BAZ1B: variants seen among roughly 807,000 people sequenced by gnomAD.
The protein encoded by BAZ1B is bromodomain adjacent to zinc finger domain 1B.
In BAZ1B, 22 loss-of-function variants were observed where a neutral mutation model predicts 153.8. That is an observed-to-expected ratio of 0.14 (90% CI 0.10 to 0.20). BAZ1B has a LOEUF of 0.20. Ranked by LOEUF, BAZ1B falls within the 10% of genes least tolerant of loss-of-function variation. The pLI is 1.00. For synonymous variants in BAZ1B, 676 were observed against 633.4 expected, an observed-to-expected ratio of 1.07 and a Z score of -1.01; for missense variants, 1,325 against 1,799.3, an observed-to-expected ratio of 0.74 and a Z score of 4.77.
At chr7:73,520,839 A>C (rs978928783) in intron 1 of BAZ1B, among the ~76,000 whole-genome samples, 2 of 152,242 alleles carry the variant, frequency 1.3e-5, no homozygotes, top group Admixed American at 6.5e-5. Context: ...GAGAAAACTC[A>C]TAACACATTA....
chr7:73,475,045 G>A (rs1554572562), intron 7 of BAZ1B, among the ~76,000 whole-genome samples: 1 of 152,134 alleles, frequency 6.6e-6, no homozygotes, highest in Non-Finnish European at 1.5e-5. Context: ...ACACCCACTA[G>A]TATGACTATC....
intron 6 of BAZ1B, among the ~76,000 whole-genome samples, chr7:73,479,900 A>G (rs1005945816): frequency 1.3e-5 from 2 of 152,184 alleles, no homozygotes; most frequent in South Asian, 2.1e-4. Context: ...CTGGGTGTGG[A>G]GGCTCACACC....
intron 1 of BAZ1B, among the ~76,000 whole-genome samples, chr7:73,517,115 G>A (rs181037320): frequency 1.3e-5 from 2 of 151,964 alleles, no homozygotes; most frequent in East Asian, 3.9e-4. Context: ...CCCAGGAGGC[G>A]GAGGTTGTAG....
chr7:73,470,231 G>T (rs781882010), intron 8 of BAZ1B, 114 bp downstream of exon 8: 54 of 1,205,942 alleles, frequency 4.5e-5, no homozygotes, highest in Non-Finnish European at 6.0e-5. Context: ...TTTCCAAAAA[G>T]AATTGGAAAA....
chr7:73,521,260 C>T (rs1367406926), intron 1 of BAZ1B, among the ~76,000 whole-genome samples: 1 of 152,024 alleles, frequency 6.6e-6, no homozygotes, highest in Non-Finnish European at 1.5e-5. Flanking sequence ...GTTTTCTGCC[C>T]CAGGGTCCTG....
intron 2 of BAZ1B, among the ~76,000 whole-genome samples, chr7:73,510,068 A>G (rs1790514908): frequency 6.6e-6 from 1 of 151,900 alleles, no homozygotes; most frequent in Admixed American, 6.6e-5. Flanking sequence ...TAGAGGTTAC[A>G]GTGGGCCGAA....
intron 4 of BAZ1B, among the ~76,000 whole-genome samples, chr7:73,494,428 G>A (rs1554576140): frequency 6.6e-6 from 1 of 151,970 alleles, no homozygotes; most frequent in Non-Finnish European, 1.5e-5. Flanking sequence ...TGAAGATAAG[G>A]AAATTGGAAG....
At chr7:73,487,970 A>G (rs1409546189) in intron 6 of BAZ1B, among the ~76,000 whole-genome samples, 1 of 152,254 alleles carries the variant, frequency 6.6e-6, no homozygotes, top group Non-Finnish European at 1.5e-5. Context: ...TTGGAGAAAT[A>G]AAATTACTTT....
intron 1 of BAZ1B, among the ~76,000 whole-genome samples, chr7:73,516,943 G>C (rs1373026239): frequency 6.6e-6 from 1 of 152,244 alleles, no homozygotes; most frequent in African/African-American, 2.4e-5. Flanking sequence ...CACTTTGGGA[G>C]GCTGAGGCCG....
At chr7:73,479,151 CATAG>C (rs1216119211) in intron 6 of BAZ1B, among the ~76,000 whole-genome samples, 3 of 151,638 alleles carry the variant, frequency 2.0e-5, no homozygotes, top group East Asian at 3.9e-4. Flanking sequence ...GAACACTGCT[CATAG>C]ATAAAGACAC....
At chr7:73,501,252 G>A (rs895931885) in intron 3 of BAZ1B, among the ~76,000 whole-genome samples, 2 of 151,974 alleles carry the variant, frequency 1.3e-5, no homozygotes, top group African/African-American at 4.8e-5. Flanking sequence ...ATGAAACTCC[G>A]CCTCAAAACA....
intron 1 of BAZ1B, among the ~76,000 whole-genome samples, chr7:73,516,848 T>G (rs569467855): frequency 6.6e-6 from 1 of 150,410 alleles, no homozygotes; most frequent in Non-Finnish European, 1.5e-5. Flanking sequence ...TATTTTAAGT[T>G]TGTGTAACTG....
At chr7:73,520,407 G>C (rs1790988601) in intron 1 of BAZ1B, among the ~76,000 whole-genome samples, 1 of 151,874 alleles carries the variant, frequency 6.6e-6, no homozygotes, top group Non-Finnish European at 1.5e-5. Context: ...TGAAAGTGAA[G>C]GAGTAACATT....
chr7:73,511,291 T>A (rs1268176984), intron 1 of BAZ1B, among the ~76,000 whole-genome samples: 1 of 150,756 alleles, frequency 6.6e-6, no homozygotes, highest in Admixed American at 6.6e-5. Flanking sequence ...TAAAAAAAAA[T>A]GAAAAAAATG....
At chr7:73,515,841 G>T (rs150837082) in intron 1 of BAZ1B, among the ~76,000 whole-genome samples, 509 of 152,156 alleles carry the variant, frequency 3.3e-3, no homozygotes, top group Middle Eastern at 0.014. Flanking sequence ...TGTCAGCCTT[G>T]GTCTTAAAAT....
intron 8 of BAZ1B, among the ~76,000 whole-genome samples, chr7:73,470,107 T>C (rs1554571785): frequency 6.6e-6 from 1 of 152,216 alleles, no homozygotes; most frequent in African/African-American, 2.4e-5. Flanking sequence ...ATTTCACCTA[T>C]CACCATCATG....
intron 1 of BAZ1B, among the ~76,000 whole-genome samples, chr7:73,520,544 C>A (rs903182047): frequency 1.3e-5 from 2 of 152,208 alleles, no homozygotes; most frequent in South Asian, 2.1e-4. Flanking sequence ...AAACCAAGCC[C>A]GAGGACCCGA....
At position 73,450,742 on chromosome 7, in the gene BAZ1B, T is replaced by G; in HGVS notation, c.3580+105A>C. 7.4e-7 allele frequency: 1 copy of G among 1,359,246 alleles called. No homozygotes were observed. The highest frequency in any genetic ancestry group is 1.0e-6 in the Non-Finnish European group (1 of 974,964). The allele number at this position is 1,359,246 out of a possible 1,614,324, so 84.2% of individuals were successfully genotyped here. A position where few individuals can be genotyped will look rare whatever the true frequency, so the allele number is the denominator to read the frequency against. On this transcript the variant is annotated intron_variant, in intron 14 of 19. Transcript: ENST00000339594. This position sits in a 1 kb window ranked among gnomAD's most constrained non-coding sequence, Gnocchi z 4.1. The stretch of plus-strand genomic sequence containing the variant: ...CAGGAGAGTAAAATCTATACCACAC[T>G]TATATTCTGTGTACACAAAATTCTT...
chr7:73,470,730 A>C (rs1054654718), intron 7 of BAZ1B, among the ~76,000 whole-genome samples: 2 of 152,084 alleles, frequency 1.3e-5, no homozygotes, highest in Non-Finnish European at 2.9e-5. Flanking sequence ...TCTCCAAAAT[A>C]TCACTTCTTT....
Sources: gnomAD v4.1 joint callset for allele counts (sites outside exome capture counted in the v4.1 genomes callset) on GRCh38, gnomAD v4.1.1 for gene constraint, Gnocchi (gnomAD v3.1) non-coding constraint, MANE v1.5 for transcripts, NCBI Gene and HGNC (gene_info 2026-07-23, HGNC 2026-07-21) for gene names.